CNTLN: variants seen among roughly 807,000 people sequenced by gnomAD.
CNTLN encodes centlein, centrosomal protein.
CNTLN carries 212 observed loss-of-function variants against 180.0 expected under a neutral mutation model. The observed-to-expected ratio is 1.18, with a 90% CI of 1.05 to 1.32. The LOEUF (loss-of-function observed/expected upper bound fraction) is 1.32, where lower values mean the gene tolerates loss of function less well. Among genes scored for constraint, CNTLN ranks in the 40% most tolerant of loss-of-function variants. The probability of loss-of-function intolerance (pLI) is 0.00; values close to 1 mark genes in which losing one functional copy is unlikely to be tolerated. For synonymous variants in CNTLN, 722 were observed against 563.1 expected (o/e 1.28, Z -3.99); for missense variants, 2,095 against 1,610.9 (o/e 1.30, Z -5.14).
chr9:17,370,774 CA>C (rs546020302), intron 13 of CNTLN, among the ~76,000 whole-genome samples: 450 of 152,026 alleles, frequency 3.0e-3, no homozygotes, highest in African/African-American at 0.01. Context: ...AAGATATAAA[CA>C]ACAAAAAGTT....
chr9:17,237,306 C>A (rs1825206724), intron 5 of CNTLN, among the ~76,000 whole-genome samples: 1 of 149,496 alleles, frequency 6.7e-6, no homozygotes, highest in Non-Finnish European at 1.5e-5. Context: ...AGGGCAGACA[C>A]AGATTTTAGT....
chr9:17,204,565 C>A (rs897122672), intron 2 of CNTLN, among the ~76,000 whole-genome samples: 11 of 152,132 alleles, frequency 7.2e-5, no homozygotes. Context: ...AGAGGGACAC[C>A]GGCCTGATGC....
At position 17,394,670 on chromosome 9, in the gene CNTLN, G is replaced by C; in HGVS notation, c.2216G>C (p.Arg739Thr). The change falls in exon 15 of 26, where the codon AGA (arginine) becomes ACA (threonine). Residue 739 changes from arginine to threonine, a missense_variant. Arg to Thr is a moderately conservative substitution (Grantham distance 71, BLOSUM62 -1). Coordinates refer to ENST00000380647, the MANE Select transcript of CNTLN (RefSeq NM_017738.4). ...LKQQQEDTET[R>T]EKELEQIIKG... is the part of the protein sequence containing the mutation. ...CAGCAACAAGAAGATACAGAGACCA[G>C]AGAAAAAGAGCTAGAACAGATAATA... 2 of 1,613,066 alleles carry C rather than the reference G, an allele frequency of 1.2e-6. No individual in the cohort carries two copies. Among genetic ancestry groups the C allele is most frequent in the African/African-American group, 1.3e-5 (1 of 74,948 alleles).
At chr9:17,399,446 A>T (rs1406471619) in intron 15 of CNTLN, among the ~76,000 whole-genome samples, 1 of 152,148 alleles carries the variant, frequency 6.6e-6, no homozygotes. Context: ...GTCTGACTTC[A>T]TGTCTCTCCC....
intron 3 of CNTLN, among the ~76,000 whole-genome samples, chr9:17,228,580 A>G (rs911119910): frequency 1.3e-5 from 2 of 152,030 alleles, no homozygotes; most frequent in Non-Finnish European, 2.9e-5. Flanking sequence ...GTGATGATAG[A>G]AGTAAGGTGG....
intron 2 of CNTLN, among the ~76,000 whole-genome samples, chr9:17,210,326 T>G (rs1823207417): frequency 6.6e-6 from 1 of 152,212 alleles, no homozygotes; most frequent in African/African-American, 2.4e-5. Context: ...TGGTTTTTTG[T>G]CCTTGCGATA....
intron 5 of CNTLN, among the ~76,000 whole-genome samples, chr9:17,268,452 T>TG (rs1035093224): frequency 1.3e-5 from 2 of 152,124 alleles, no homozygotes; most frequent in African/African-American, 4.8e-5. Flanking sequence ...CTGCCCCTAC[T>TG]GGGGGGTGCC....
At position 17,214,038 on chromosome 9, in the gene CNTLN, C is replaced by G. The variant is rs188530385; in HGVS notation, c.450-12165C>G. Among the ~76,000 whole-genome samples the G allele has an allele frequency of 1.4e-3, 207 of 152,244 alleles. 1 individual carries two copies. The highest frequency in any genetic ancestry group is 2.6e-3 in the Non-Finnish European group (174 of 68,016). ...GCCAGTCTGTGTCTTTTAATTGGAGCATTTAGCCCATTTACATTTAAGATT... is the reference window on the plus strand; with the variant it reads ...GCCAGTCTGTGTCTTTTAATTGGAGGATTTAGCCCATTTACATTTAAGATT... On this transcript the variant is annotated intron_variant, in intron 2 of 25. Coordinates refer to ENST00000380647, the MANE Select transcript of CNTLN (RefSeq NM_017738.4).
At chr9:17,475,530 G>A (rs1384447200) in intron 23 of CNTLN, among the ~76,000 whole-genome samples, 1 of 151,432 alleles carries the variant, frequency 6.6e-6, no homozygotes, top group Admixed American at 6.6e-5. Context: ...GAATGAACAG[G>A]GAAAGAAGGA....
chr9:17,164,455 A>ATG, intron 2 of CNTLN, among the ~76,000 whole-genome samples: 1 of 88,218 alleles, frequency 1.1e-5, no homozygotes, highest in Admixed American at 1.2e-4. Context: ...CCTTATTTTT[A>ATG]TGTTTTTTTT....
intron 2 of CNTLN, among the ~76,000 whole-genome samples, chr9:17,221,314 G>A (rs1824121095): frequency 6.6e-6 from 1 of 151,920 alleles, no homozygotes; most frequent in Non-Finnish European, 1.5e-5. Flanking sequence ...TAAAATGGCA[G>A]ATATATCGAT....
intron 2 of CNTLN, among the ~76,000 whole-genome samples, chr9:17,211,619 G>A (rs1003262699): frequency 3.9e-5 from 6 of 152,098 alleles, no homozygotes; most frequent in African/African-American, 7.2e-5. Context: ...GATGGGGATG[G>A]CATTGAATCT....
Position 17,435,956 on chromosome 9 carries a change from C to G in CNTLN, c.3114+19767C>G, listed in dbSNP as rs149485940. Reference sequence around the variant, plus strand: ...GTCCACCCAGCTGGTATTTCCAGATCTTTATATTAGAATGTGGCTGTGCCT... The same window carrying G: ...GTCCACCCAGCTGGTATTTCCAGATGTTTATATTAGAATGTGGCTGTGCCT... On this transcript the variant is annotated intron_variant, in intron 18 of 25. Coordinates refer to ENST00000380647, the MANE Select transcript of CNTLN (RefSeq NM_017738.4). 8.7e-3 allele frequency among the ~76,000 whole-genome samples: 1,329 copies of G among 152,206 alleles called. 14 individuals are homozygous for G. Among genetic ancestry groups the G allele is most frequent in the Non-Finnish European group, 0.014 (926 of 68,008 alleles).
At chr9:17,514,830 A>G in the CNTLN span, among the ~76,000 whole-genome samples, 2 of 152,184 alleles carry the variant, frequency 1.3e-5, no homozygotes, top group African/African-American at 4.8e-5. Flanking sequence ...GTTAACTATT[A>G]TAGTTAGCTC....
intron 3 of CNTLN, among the ~76,000 whole-genome samples, chr9:17,227,164 C>A (rs1272982660): frequency 6.6e-6 from 1 of 151,716 alleles, no homozygotes; most frequent in Non-Finnish European, 1.5e-5. Flanking sequence ...GAGGGATCCA[C>A]CCTCATGACC....
chr9:17,200,048 C>T (rs1221113798), intron 2 of CNTLN, among the ~76,000 whole-genome samples: 2 of 152,096 alleles, frequency 1.3e-5, no homozygotes, highest in African/African-American at 4.8e-5. Flanking sequence ...TTTCTGTTTT[C>T]TGCATGTGGC....
chr9:17,476,490 C>T (rs559671185), intron 23 of CNTLN, among the ~76,000 whole-genome samples: 6 of 152,196 alleles, frequency 3.9e-5, no homozygotes, highest in African/African-American at 1.2e-4. Flanking sequence ...CCTTTTGCAC[C>T]AAACAGCCAA....
intron 23 of CNTLN, among the ~76,000 whole-genome samples, chr9:17,472,079 A>G (rs1231842034): frequency 2.6e-5 from 4 of 152,156 alleles, no homozygotes; most frequent in African/African-American, 9.7e-5. Context: ...TCAACCAAAC[A>G]ACATAGTATT....
chr9:17,179,995 CTTTT>C (rs1447346897), intron 2 of CNTLN, among the ~76,000 whole-genome samples: 1 of 151,994 alleles, frequency 6.6e-6, no homozygotes, highest in African/African-American at 2.4e-5. Context: ...ACTCTTCTTT[CTTTT>C]GAAGAATGAT....
Sources: gnomAD v4.1 joint callset for allele counts (sites outside exome capture counted in the v4.1 genomes callset) on GRCh38, gnomAD v4.1.1 for gene constraint, MANE v1.5 for transcripts, NCBI Gene and HGNC (gene_info 2026-07-23, HGNC 2026-07-21) for gene names.